PTCHD4: variants seen among roughly 807,000 people sequenced by gnomAD.
PTCHD4 encodes the protein patched domain containing 4, also known as patched domain-containing protein 4.
In PTCHD4, 33 loss-of-function variants were observed where a neutral mutation model predicts 58.1. That is an observed-to-expected ratio of 0.57 (90% CI 0.43 to 0.76). The LOEUF (loss-of-function observed/expected upper bound fraction) is 0.76, where lower values mean the gene tolerates loss of function less well. Among genes scored for constraint, PTCHD4 ranks in the 30% least tolerant of loss-of-function variants. PTCHD4 has a pLI of 0.00. For missense variants in PTCHD4, 1,058 were observed against 1,027.1 expected (o/e 1.03, Z -0.41); for synonymous variants, 478 against 409.6 (o/e 1.17, Z -2.02).
At chr6:47,914,041 C>T (rs1359383910) in intron 4 of PTCHD4, among the ~76,000 whole-genome samples, 1 of 152,110 alleles carries the variant, frequency 6.6e-6, no homozygotes, top group Non-Finnish European at 1.5e-5. Flanking sequence ...GTCCAATGAT[C>T]TGGCTATGCC....
At chr6:47,924,863 G>A (rs998008424) in intron 4 of PTCHD4, among the ~76,000 whole-genome samples, 8 of 151,654 alleles carry the variant, frequency 5.3e-5, no homozygotes, top group Non-Finnish European at 1.2e-4. Flanking sequence ...CTCCCCAACC[G>A]CCTTATATAA....
At chr6:47,994,260 A>G (rs1190129374) in intron 4 of PTCHD4, among the ~76,000 whole-genome samples, 1 of 152,192 alleles carries the variant, frequency 6.6e-6, no homozygotes, top group Non-Finnish European at 1.5e-5. Flanking sequence ...GAGAGGGAAA[A>G]CAGAGTGACC....
chr6:47,999,574 G>A lies in PTCHD4; in HGVS notation c.898+9060C>T, dbSNP rs533129208. ...TTTAGCCAAGCATTAAGTCTTAGTG[G>A]GCCCACTATATCCTAAACACTGTGC... On this transcript the variant is annotated intron_variant, in intron 4 of 4. Coordinates refer to ENST00000339488, the MANE Select transcript of PTCHD4 (RefSeq NM_001384253.1). 2.8e-4 allele frequency among the ~76,000 whole-genome samples: 42 copies of A among 152,144 alleles called. No homozygotes were observed. In the South Asian group the frequency reaches 8.1e-3, roughly 29 times the overall value.
chr6:47,993,597 G>A (rs1768362544), intron 4 of PTCHD4, among the ~76,000 whole-genome samples: 1 of 152,186 alleles, frequency 6.6e-6, no homozygotes, highest in South Asian at 2.1e-4. Context: ...AAAGTCAGGT[G>A]GACAATGCAG....
chr6:47,974,607 A>G (rs1212586707), intron 4 of PTCHD4, among the ~76,000 whole-genome samples: 1 of 152,166 alleles, frequency 6.6e-6, no homozygotes, highest in Admixed American at 6.5e-5. Flanking sequence ...CTGTCCCAAC[A>G]ATCAAAAATG....
At chr6:48,078,139 C>G (rs1175150945) in intron 1 of PTCHD4, among the ~76,000 whole-genome samples, 2 of 152,100 alleles carry the variant, frequency 1.3e-5, no homozygotes, top group Non-Finnish European at 2.9e-5. Context: ...TAAATTTTCT[C>G]CAGCTGTGAT....
At chr6:47,991,112 C>T (rs761144831) in intron 4 of PTCHD4, among the ~76,000 whole-genome samples, 1 of 152,024 alleles carries the variant, frequency 6.6e-6, no homozygotes, top group Non-Finnish European at 1.5e-5. Flanking sequence ...ATAGATAAAG[C>T]TGATAGCTTT....
intron 1 of PTCHD4, among the ~76,000 whole-genome samples, chr6:48,078,065 G>A (rs1427690431): frequency 6.6e-6 from 1 of 152,190 alleles, no homozygotes; most frequent in Non-Finnish European, 1.5e-5. Context: ...TATCTGCAAA[G>A]CACAATAAAG....
intron 1 of PTCHD4, among the ~76,000 whole-genome samples, chr6:48,102,174 T>C (rs1765618144): frequency 6.6e-6 from 1 of 152,226 alleles, no homozygotes; most frequent in Non-Finnish European, 1.5e-5. Flanking sequence ...AGCAAACTCC[T>C]CACTCTTCTT....
Position 47,868,820 on chromosome 6 carries a change from T to C in PTCHD4, c.*9483A>G, listed in dbSNP as rs1453670025. 1.3e-5 allele frequency among the ~76,000 whole-genome samples: 2 copies of C among 151,658 alleles called. No homozygotes were observed. Among genetic ancestry groups the C allele is most frequent in the Admixed American group, 1.3e-4 (2 of 15,188 alleles). ...AAAGTTATTTTAGAAATGATAAAAG[T>C]TGAACATATTTAAAGGAAAAAAGCA... On this transcript the variant is annotated 3_prime_UTR_variant, in exon 5 of 5. Transcript: ENST00000339488.
intron 4 of PTCHD4, among the ~76,000 whole-genome samples, chr6:47,996,434 C>T (rs1768489603): frequency 1.3e-5 from 1 of 76,670 alleles, no homozygotes. Context: ...AACATTGCAG[C>T]ACTGCTCCCC....
chr6:47,962,498 G>A (rs1767134793), intron 4 of PTCHD4, among the ~76,000 whole-genome samples: 1 of 151,978 alleles, frequency 6.6e-6, no homozygotes, highest in South Asian at 2.1e-4. Flanking sequence ...ATCATGCATG[G>A]GGCAGTGATC....
chr6:48,011,902 T>A (rs112751207), intron 3 of PTCHD4, among the ~76,000 whole-genome samples: 2 of 152,236 alleles, frequency 1.3e-5, no homozygotes, highest in African/African-American at 4.8e-5. Flanking sequence ...CCATTATTTC[T>A]GAGGCCTCTG....
intron 1 of PTCHD4, among the ~76,000 whole-genome samples, 191 bp downstream of exon 1, chr6:48,110,858 T>G (rs1765860537): frequency 6.7e-6 from 1 of 149,874 alleles, no homozygotes; most frequent in East Asian, 1.9e-4. Context: ...GTACTTGTCT[T>G]TTTACTTTAC....
chr6:47,911,082 C>A (rs138355148), intron 4 of PTCHD4, among the ~76,000 whole-genome samples: 84 of 152,224 alleles, frequency 5.5e-4, no homozygotes, highest in African/African-American at 1.9e-3. Flanking sequence ...CACTTGCTTA[C>A]TGTTCTTGGA....
intron 1 of PTCHD4, among the ~76,000 whole-genome samples, chr6:48,076,282 T>G (rs541108910): frequency 3.3e-5 from 5 of 152,380 alleles, no homozygotes; most frequent in Admixed American, 3.3e-4. Flanking sequence ...CATCTGCTGT[T>G]GCTTTCTCCA....
At chr6:47,924,196 C>T (rs1408764486) in intron 4 of PTCHD4, among the ~76,000 whole-genome samples, 2 of 152,024 alleles carry the variant, frequency 1.3e-5, no homozygotes, top group Admixed American at 6.6e-5. Context: ...TCCTGCTTGG[C>T]TGGATGCTTG....
intron 4 of PTCHD4, among the ~76,000 whole-genome samples, chr6:47,991,587 A>T (rs1375058416): frequency 6.6e-6 from 1 of 152,096 alleles, no homozygotes; most frequent in Non-Finnish European, 1.5e-5. Flanking sequence ...ATTATGTATG[A>T]GCTGTATCGA....
chr6:48,086,004 T>C (rs971943287), intron 1 of PTCHD4, among the ~76,000 whole-genome samples: 1 of 152,138 alleles, frequency 6.6e-6, no homozygotes, highest in African/African-American at 2.4e-5. Flanking sequence ...TTTTTGGTTT[T>C]GACATGACCT....
Sources: gnomAD v4.1 joint callset for allele counts (sites outside exome capture counted in the v4.1 genomes callset) on GRCh38, gnomAD v4.1.1 for gene constraint, MANE v1.5 for transcripts, NCBI Gene and HGNC (gene_info 2026-07-23, HGNC 2026-07-21) for gene names.